The following ZNF500 variants were observed in gnomAD, a reference collection of about 807,000 sequenced individuals.
ZNF500 encodes the protein zinc finger protein 500, also known as zinc finger protein with KRAB and SCAN domains 18.
ZNF500 carries 31 observed loss-of-function variants against 30.1 expected under a neutral mutation model. The ratio of observed to expected loss-of-function variants is 1.03; its 90% CI spans 0.77 to 1.39. ZNF500 has a LOEUF of 1.39. Among genes scored for constraint, ZNF500 ranks in the 40% most tolerant of loss-of-function variants. The pLI, the probability that ZNF500 is intolerant of heterozygous loss-of-function variation, is 0.00. For synonymous variants in ZNF500, 392 were observed against 282.0 expected (o/e 1.39, Z -3.91); for missense variants, 817 against 657.8 (o/e 1.24, Z -2.65).
intron 5 of ZNF500, among the ~76,000 whole-genome samples, chr16:4,755,540 C>T (rs1322785670): frequency 6.6e-6 from 1 of 152,164 alleles, no homozygotes; most frequent in African/African-American, 2.4e-5. Context: ...TGGTCTCGAA[C>T]TCCTGACCTC....
Position 4,752,962 on chromosome 16 carries a change from G to A in ZNF500, c.857C>T (p.Pro286Leu). ...YRVLSARCQGPGHPLPGQRPA... is the reference protein window; with the variant it reads ...YRVLSARCQGLGHPLPGQRPA... ...CCTCTGACCTGGGAGCGGGTGGCCAGGCCCCTGGCATCGTGCCGAGAGCAC... is the reference window on the plus strand; with the variant it reads ...CCTCTGACCTGGGAGCGGGTGGCCAAGCCCCTGGCATCGTGCCGAGAGCAC... Residue 286 changes from proline to leucine, a missense_variant, in exon 6 of 6, where the codon CCT becomes CTT. Transcript: ENST00000219478. 1 of 1,609,378 alleles carries A rather than the reference G, an allele frequency of 6.2e-7. No individual in the cohort carries two copies. Among genetic ancestry groups the A allele is most frequent in the Non-Finnish European group, 8.5e-7 (1 of 1,177,934 alleles).
Position 4,751,933 on chromosome 16 carries a change from TG to T in ZNF500, c.*442del, listed in dbSNP as rs1452771952. On this transcript the variant is annotated 3_prime_UTR_variant, in exon 6 of 6. Transcript: ENST00000219478. The stretch of plus-strand genomic sequence containing the variant: ...AAAAAAAAAAGGGGGGGGGAGCAGG[TG>T]GGGGGTACACACAGAGACAGCGCAC... 10 of 295,968 alleles carry T rather than the reference TG, an allele frequency of 3.4e-5. No individual in the cohort carries two copies. The highest frequency in any genetic ancestry group is 6.7e-5 in the African/African-American group (2 of 29,962). 18.3% of individuals were successfully genotyped at this position (295,968 alleles called of 1,614,324 possible). A position where few individuals can be genotyped will look rare whatever the true frequency, so the allele number is the denominator to read the frequency against.
Position 4,752,305 on chromosome 16 carries a change from G to A in ZNF500, c.*71C>T, listed in dbSNP as rs1280902660. ...GCAGCTGGCAATGCTTTCGGACCAG[G>A]CTGTCTAGCAGTTTCCTGAATTCTG... On this transcript the variant is annotated 3_prime_UTR_variant, in exon 6 of 6. Coordinates refer to ENST00000219478, the MANE Select transcript of ZNF500 (RefSeq NM_021646.4). The A allele has an allele frequency of 7.0e-7, 1 of 1,432,022 alleles. No homozygotes were observed. The highest frequency in any genetic ancestry group is 9.1e-7 in the Non-Finnish European group (1 of 1,097,446). The allele number at this position is 1,432,022 out of a possible 1,614,324, so 88.7% of individuals were successfully genotyped here.
downstream of ZNF500, chr16:4,746,996 G>T: frequency 1.3e-6 from 2 of 1,541,292 alleles, no homozygotes; most frequent in Non-Finnish European, 1.7e-6. Context: ...GAGACGCAGA[G>T]GGGGCATCTC....
chr16:4,749,269 G>A lies in ZNF500; in HGVS notation c.*3107C>T, dbSNP rs990856077. 3.2e-5 allele frequency: 5 copies of A among 154,476 alleles called. No individual in the cohort carries two copies. The highest frequency in any genetic ancestry group is 7.3e-5 in the Non-Finnish European group (5 of 68,240). The allele number at this position is 154,476 out of a possible 1,614,324, so 9.6% of individuals were successfully genotyped here. Reference sequence around the variant, plus strand: ...TGGCGGCCTCCGCTGTGGCTGCCTAGCTGTCAAGAGCAAAGGCTTTTTTTT... The same window carrying A: ...TGGCGGCCTCCGCTGTGGCTGCCTAACTGTCAAGAGCAAAGGCTTTTTTTT... On this transcript the variant is annotated 3_prime_UTR_variant, in exon 6 of 6. Coordinates refer to ENST00000219478, the MANE Select transcript of ZNF500 (RefSeq NM_021646.4).
At chr16:4,761,152 T>C (rs2082194628) in intron 4 of ZNF500, among the ~76,000 whole-genome samples, 1 of 151,960 alleles carries the variant, frequency 6.6e-6, no homozygotes, top group African/African-American at 2.4e-5. Context: ...AAAGGAAATG[T>C]TCGGCCGGGC....
At chr16:4,760,829 G>C (rs894930800) in intron 4 of ZNF500, among the ~76,000 whole-genome samples, 4 of 152,148 alleles carry the variant, frequency 2.6e-5, no homozygotes, top group East Asian at 1.9e-4. Flanking sequence ...TCGCCACGAG[G>C]AGTGGTGGAC....
intron 5 of ZNF500, 154 bp from the exon 6 acceptor site, chr16:4,753,212 G>C: frequency 7.3e-7 from 1 of 1,370,712 alleles, no homozygotes. Context: ...TATAATCCCA[G>C]CACTTTGGAA....
At chr16:4,746,365 C>G (rs2082017515), downstream of ZNF500, 7 of 1,608,152 alleles carry the variant, frequency 4.4e-6, no homozygotes, top group Non-Finnish European at 5.9e-6. Context: ...ACCTGCTTTT[C>G]TCATTTCAGA....
At chr16:4,762,176 G>C in intron 4 of ZNF500, 95 bp downstream of exon 4, 1 of 1,398,202 alleles carries the variant, frequency 7.2e-7, no homozygotes, top group South Asian at 1.2e-5. Flanking sequence ...CAAAACCTTG[G>C]CCCCCAGGAG....
In ZNF500 at chr16:4,752,829, A is replaced by G; in HGVS notation, c.990T>C (p.Cys330=). The G allele has an allele frequency of 2.5e-6, 4 of 1,614,236 alleles. No individual in the cohort carries two copies. Among genetic ancestry groups the G allele is most frequent in the Non-Finnish European group, 3.4e-6 (4 of 1,180,034 alleles). ...GGGACGTCTTGCTGAAGCCTTTGCCACATTCGGGGCAGGTGTACGGCTTGT... is the reference window on the plus strand; with the variant it reads ...GGGACGTCTTGCTGAAGCCTTTGCCGCATTCGGGGCAGGTGTACGGCTTGT... ...GADKPYTCPE[C]GKGFSKTSHL... The change falls in exon 6 of 6, where the codon TGT becomes TGC. Residue 330 remains cysteine, a synonymous_variant. Coordinates refer to ENST00000219478, the MANE Select transcript of ZNF500 (RefSeq NM_021646.4).
downstream of ZNF500, chr16:4,746,936 C>T (rs1225282087): frequency 1.3e-6 from 2 of 1,561,246 alleles, no homozygotes; most frequent in Admixed American, 2.0e-5. Flanking sequence ...GCTCCAGCCA[C>T]AGCTCCTCTG....
At position 4,762,570 on chromosome 16, in the gene ZNF500, C is replaced by T; in HGVS notation, c.598+3G>A. ...CTCATTCCTCCAAAGGGGTGCTACT[C>T]ACCTCTCTCTGGCCACAACAGCGGG... On this transcript the variant is annotated splice_donor_region_variant and intron_variant, in intron 3 of 5. Coordinates refer to ENST00000219478, the MANE Select transcript of ZNF500 (RefSeq NM_021646.4). The T allele has an allele frequency of 1.2e-6, 2 of 1,610,364 alleles. No individual in the cohort carries two copies. Among genetic ancestry groups the T allele is most frequent in the Non-Finnish European group, 1.7e-6 (2 of 1,178,270 alleles).
In ZNF500 at chr16:4,749,521, A is replaced by G. The variant is rs1179140174; in HGVS notation, c.*2855T>C. ...CAGTGCCCAGTTCCTCCACCCACAG[A>G]AGGAGAATCATGGCCGGGCGCGGTG... On this transcript the variant is annotated 3_prime_UTR_variant, in exon 6 of 6. Coordinates refer to ENST00000219478, the MANE Select transcript of ZNF500 (RefSeq NM_021646.4). 1.3e-5 allele frequency: 2 copies of G among 153,984 alleles called. No individual in the cohort carries two copies. The highest frequency in any genetic ancestry group is 2.9e-5 in the Non-Finnish European group (2 of 68,284). 9.5% of individuals were successfully genotyped at this position (153,984 alleles called of 1,614,324 possible).
intron 3 of ZNF500, 115 bp from the exon 4 acceptor site, chr16:4,762,450 T>G: frequency 6.6e-7 from 1 of 1,515,016 alleles, no homozygotes; most frequent in Non-Finnish European, 8.9e-7. Flanking sequence ...ATCCACTCCT[T>G]GCTGGAGAGC....
Position 4,749,042 on chromosome 16 carries a change from G to A in ZNF500, c.*3334C>T, listed in dbSNP as rs940829507. 2 of 152,384 alleles carry A rather than the reference G, an allele frequency of 1.3e-5. No individual in the cohort carries two copies. The highest frequency in any genetic ancestry group is 2.9e-5 in the Non-Finnish European group (2 of 68,146). The allele number at this position is 152,384 out of a possible 1,614,324, so 9.4% of individuals were successfully genotyped here. On this transcript the variant is annotated 3_prime_UTR_variant, in exon 6 of 6. Transcript: ENST00000219478. Reference sequence around the variant, plus strand: ...ACCCCCACCCGACCCCACTCCCAATGATGAGGGGCATTTTCATTGCAAGTC... The same window carrying A: ...ACCCCCACCCGACCCCACTCCCAATAATGAGGGGCATTTTCATTGCAAGTC...
chr16:4,747,303 C>A, downstream of ZNF500: 1 of 1,521,016 alleles, frequency 6.6e-7, no homozygotes, highest in Non-Finnish European at 8.8e-7. Context: ...GAGGGGCGGC[C>A]CCCACGGGGT....
downstream of ZNF500, chr16:4,746,579 G>C: frequency 6.6e-7 from 1 of 1,520,650 alleles, no homozygotes; most frequent in East Asian, 2.3e-5. Context: ...ACCGCACAGA[G>C]CCTCTGGTGG....
At chr16:4,744,887 G>T (rs980152598), downstream of ZNF500, 2 of 1,613,404 alleles carry the variant, frequency 1.2e-6, no homozygotes, top group South Asian at 2.2e-5. Context: ...GGTGCCGAGC[G>T]CCCACAACAG....
Sources: gnomAD v4.1 joint callset for allele counts (sites outside exome capture counted in the v4.1 genomes callset) on GRCh38, gnomAD v4.1.1 for gene constraint, MANE v1.5 for transcripts, NCBI Gene and HGNC (gene_info 2026-07-23, HGNC 2026-07-21) for gene names.